MED12L: variants seen among roughly 807,000 people sequenced by gnomAD.
MED12L encodes the protein mediator of RNA polymerase II transcription subunit 12-like protein.
Under a neutral mutation model 281.3 loss-of-function variants are expected in MED12L, and 60 were observed. That is an observed-to-expected ratio of 0.21 (90% confidence interval 0.17 to 0.26). The LOEUF (loss-of-function observed/expected upper bound fraction) is 0.26, where lower values mean the gene tolerates loss of function less well. MED12L is among the 10% of genes least tolerant of loss of function. The pLI, the probability that MED12L is intolerant of heterozygous loss-of-function variation, is 1.00. For synonymous variants in MED12L, 974 were observed against 987.2 expected (o/e 0.99, Z 0.25); for missense variants, 2,146 against 2,680.9 (o/e 0.80, Z 4.41).
intron 39 of MED12L, among the ~76,000 whole-genome samples, chr3:151,401,362 A>G (rs1451039660): frequency 1.3e-5 from 2 of 151,836 alleles, no homozygotes; most frequent in African/African-American, 4.8e-5. Context: ...TAGGGTGTGT[A>G]CCTGAACATG....
chr3:151,090,847 C>T (rs956131393), intron 2 of MED12L, among the ~76,000 whole-genome samples: 1 of 152,076 alleles, frequency 6.6e-6, no homozygotes, highest in African/African-American at 2.4e-5. Flanking sequence ...CGAGACCAGC[C>T]TTAACAACAT....
At position 151,223,068 on chromosome 3, in the gene MED12L, G is replaced by A. The variant is rs1287642385; in HGVS notation, c.2250+29402G>A. On this transcript the variant is annotated intron_variant, in intron 16 of 44. Transcript: ENST00000687756. Reference sequence around the variant, plus strand: ...TTCTCTTTGGAAAGAAAGAGGTTAAGTTCTGCATGGAGTAATAATCTCAGT... The same window carrying A: ...TTCTCTTTGGAAAGAAAGAGGTTAAATTCTGCATGGAGTAATAATCTCAGT... Among the ~76,000 whole-genome samples the A allele has an allele frequency of 2.0e-5, 3 of 151,396 alleles. No individual in the cohort carries two copies. In the East Asian group the frequency reaches 5.8e-4, roughly 29 times the overall value.
intron 16 of MED12L, among the ~76,000 whole-genome samples, chr3:151,234,137 C>T (rs1178983638): frequency 6.6e-6 from 1 of 152,170 alleles, no homozygotes; most frequent in African/African-American, 2.4e-5. Flanking sequence ...CAAGAACACT[C>T]ATAGAAGCAC....
intron 11 of MED12L, among the ~76,000 whole-genome samples, chr3:151,176,464 G>T (rs1460127695): frequency 6.6e-6 from 1 of 152,104 alleles, no homozygotes; most frequent in Non-Finnish European, 1.5e-5. Flanking sequence ...TAACTATAAA[G>T]GTTGGAGGAC....
In MED12L at chr3:151,247,477, T is replaced by C. The variant is rs933173783; in HGVS notation, c.2250+53811T>C. Among the ~76,000 whole-genome samples the C allele has an allele frequency of 3.8e-4, 57 of 151,346 alleles. 1 individual carries two copies. The highest frequency in any genetic ancestry group is 1.2e-3 in the African/African-American group (49 of 41,266). ...GTCCTTTGTAGGGACATGGATGAAA[T>C]TGGAAATCATCATTCTCAGTAAACT... is the stretch of plus-strand genomic sequence containing the variant. On this transcript the variant is annotated intron_variant, in intron 16 of 44. Coordinates refer to ENST00000687756, the MANE Select transcript of MED12L (RefSeq NM_001393769.1).
intron 16 of MED12L, among the ~76,000 whole-genome samples, chr3:151,285,452 C>T (rs1429767651): frequency 1.3e-5 from 2 of 151,800 alleles, no homozygotes; most frequent in Non-Finnish European, 2.9e-5. Flanking sequence ...TGCGCCACTG[C>T]ACTCCAGCCT....
At chr3:151,138,005 C>T (rs1027786081) in intron 5 of MED12L, among the ~76,000 whole-genome samples, 1 of 152,114 alleles carries the variant, frequency 6.6e-6, no homozygotes, top group African/African-American at 2.4e-5. Flanking sequence ...GCTTCTATCT[C>T]CATCTTTTCA....
intron 16 of MED12L, chr3:151,295,132 A>G (rs1159504632): frequency 1.2e-5 from 20 of 1,613,598 alleles, no homozygotes; most frequent in Non-Finnish European, 1.5e-5. Flanking sequence ...TGTCAAATTC[A>G]TTGTGAAGGG....
At chr3:151,215,327 T>C (rs1727988999) in intron 16 of MED12L, among the ~76,000 whole-genome samples, 1 of 152,198 alleles carries the variant, frequency 6.6e-6, no homozygotes, top group South Asian at 2.1e-4. Flanking sequence ...CTGTTAAGTA[T>C]AAAATGCACA....
chr3:151,409,854 T>TGCA lies in MED12L; in HGVS notation c.5910+523_5910+525dup, dbSNP rs747810082. Among the ~76,000 whole-genome samples, 227 of 152,302 alleles carry TGCA rather than the reference T, an allele frequency of 1.5e-3. 1 individual carries two copies. Among genetic ancestry groups the TGCA allele is most frequent in the Non-Finnish European group, 2.6e-3 (178 of 68,024 alleles). Reference sequence around the variant, plus strand: ...GGTGGCATGCACCTATAGTCCCAGTTGCACGGGAGGCTAAAGTGGAGGATC... The same window carrying TGCA: ...GGTGGCATGCACCTATAGTCCCAGTTGCAGCACGGGAGGCTAAAGTGGAGGATC... On this transcript the variant is annotated intron_variant, in intron 40 of 44. Transcript: ENST00000687756.
intron 43 of MED12L, among the ~76,000 whole-genome samples, chr3:151,420,046 C>T (rs1333170976): frequency 6.6e-6 from 1 of 152,158 alleles, no homozygotes; most frequent in African/African-American, 2.4e-5. Flanking sequence ...CTCAGCAGGT[C>T]GTGTTTTTCT....
chr3:151,426,779 T>A (rs1718925063), intron 43 of MED12L, among the ~76,000 whole-genome samples: 1 of 152,000 alleles, frequency 6.6e-6, no homozygotes, highest in South Asian at 2.1e-4. Flanking sequence ...AAAATAGGCA[T>A]ATATTTCAAA....
chr3:151,324,682 G>A (rs1041107856), intron 16 of MED12L, among the ~76,000 whole-genome samples: 9 of 152,196 alleles, frequency 5.9e-5, no homozygotes, highest in Admixed American at 1.3e-4. Flanking sequence ...GGAGACAGAT[G>A]TGCTGCTTTG....
chr3:151,273,939 T>C (rs575571879), intron 16 of MED12L, among the ~76,000 whole-genome samples: 1 of 152,100 alleles, frequency 6.6e-6, no homozygotes, highest in South Asian at 2.1e-4. Flanking sequence ...TAAGACAGAG[T>C]CTTTTCTTTT....
intron 16 of MED12L, among the ~76,000 whole-genome samples, chr3:151,258,634 C>CT (rs2149486307): frequency 6.6e-6 from 1 of 152,108 alleles, no homozygotes; most frequent in South Asian, 2.1e-4. Flanking sequence ...AATAAACATC[C>CT]TTGGGCTTTT....
chr3:151,236,724 T>A (rs1732897201), intron 16 of MED12L, among the ~76,000 whole-genome samples: 1 of 152,250 alleles, frequency 6.6e-6, no homozygotes, highest in Non-Finnish European at 1.5e-5. Flanking sequence ...AATCTCTTCA[T>A]GATTTTTCTA....
At chr3:151,220,941 A>G (rs1472584762) in intron 16 of MED12L, among the ~76,000 whole-genome samples, 1 of 152,240 alleles carries the variant, frequency 6.6e-6, no homozygotes, top group East Asian at 1.9e-4. Flanking sequence ...AGACAGGAAA[A>G]TGTAGGTAAG....
chr3:151,432,549 G>A (rs1463508795), intron 44 of MED12L, among the ~76,000 whole-genome samples: 1 of 152,232 alleles, frequency 6.6e-6, no homozygotes, highest in African/African-American at 2.4e-5. Context: ...ATTGGCAAGT[G>A]TGGACTGTGA....
intron 17 of MED12L, 114 bp from the exon 18 acceptor site, chr3:151,355,007 T>C: frequency 2.7e-6 from 2 of 749,416 alleles, no homozygotes; most frequent in African/African-American, 1.8e-5. Flanking sequence ...TTGAAATTCA[T>C]AGAATTTGTG....
Sources: allele counts gnomAD v4.1 joint callset (sites outside exome capture counted in the v4.1 genomes callset), GRCh38; gene constraint gnomAD v4.1.1; transcripts MANE v1.5; gene names NCBI Gene and HGNC (gene_info 2026-07-23, HGNC 2026-07-21).